Variants in KIZ observed in about 807,000 individuals in gnomAD.
KIZ encodes kizuna centrosomal protein, also known as centrosomal protein kizuna.
KIZ carries 68 observed loss-of-function variants against 79.6 expected under a neutral mutation model. The ratio of observed to expected loss-of-function variants is 0.85; its 90% confidence interval spans 0.70 to 1.05. The LOEUF (loss-of-function observed/expected upper bound fraction) is 1.05. Among genes scored for constraint, KIZ ranks in the 50% least tolerant of loss-of-function variants. The pLI is 0.00. For synonymous variants in KIZ, 280 were observed against 281.8 expected (o/e 0.99, Z 0.06); for missense variants, 797 against 800.4 (o/e 1.00, Z 0.05).
At chr20:21,222,248 C>T (rs1009432828) in intron 9 of KIZ, among the ~76,000 whole-genome samples, 16 of 152,204 alleles carry the variant, frequency 1.1e-4, no homozygotes, top group African/African-American at 3.9e-4. Flanking sequence ...GAGATGAACT[C>T]ATAAATGCCA....
intron 11 of KIZ, 88 bp downstream of exon 11, chr20:21,232,918 TG>T (rs2036883370): frequency 8.4e-6 from 6 of 711,902 alleles, no homozygotes; most frequent in Non-Finnish European, 1.3e-5. Flanking sequence ...CGTATTATTT[TG>T]TTGTATGACT....
At chr20:21,184,384 C>G (rs2034788164) in intron 6 of KIZ, among the ~76,000 whole-genome samples, 1 of 152,142 alleles carries the variant, frequency 6.6e-6, no homozygotes, top group South Asian at 2.1e-4. Context: ...CTCCTGACCT[C>G]AGGCGATCCA....
chr20:21,150,076 G>A (rs1305699860), intron 4 of KIZ, among the ~76,000 whole-genome samples: 2 of 152,202 alleles, frequency 1.3e-5, no homozygotes, highest in Non-Finnish European at 2.9e-5. Context: ...TGTAGGGCAT[G>A]CCTCAGGGAT....
chr20:21,213,071 C>G (rs865904323), intron 7 of KIZ, among the ~76,000 whole-genome samples: 1 of 152,202 alleles, frequency 6.6e-6, no homozygotes, highest in Admixed American at 6.5e-5. Flanking sequence ...GGGACTAGAA[C>G]TCCTTAAATC....
chr20:21,140,844 T>A (rs1345462819), intron 3 of KIZ, among the ~76,000 whole-genome samples: 1 of 151,802 alleles, frequency 6.6e-6, no homozygotes, highest in Non-Finnish European at 1.5e-5. Context: ...ATTTAAAAAT[T>A]AAATTTAAAA....
rs2036877675 is a variant in KIZ at position 21,232,785 on chromosome 20, C to A, written c.1835C>A (p.Ala612Asp). The change falls in exon 11 of 13, where the codon GCT becomes GAT. Residue 612 changes from alanine (A) to aspartate (D), a missense_variant. By Grantham distance (126) the Ala-to-Asp change is moderately radical. Transcript: ENST00000619189. ...AFETKTANKI[A>D]SEASFSSSEG... is the part of the protein sequence containing the mutation. ...GAGACAAAGACAGCTAACAAAATTG[C>A]TTCGGAAGCTAGTTTTTCATCTAGT... The A allele has an allele frequency of 1.3e-6, 2 of 1,593,064 alleles. No homozygotes were observed. The highest frequency in any genetic ancestry group is 1.3e-5 in the African/African-American group (1 of 74,632).
chr20:21,184,282 T>C (rs2034783136), intron 6 of KIZ, among the ~76,000 whole-genome samples: 1 of 152,016 alleles, frequency 6.6e-6, no homozygotes, highest in Non-Finnish European at 1.5e-5. Context: ...CAAGTAGAGC[T>C]GGGATTACAG....
At chr20:21,160,936 C>G (rs1031218925) in intron 4 of KIZ, 1 of 153,866 alleles carries the variant, frequency 6.5e-6, no homozygotes, top group Non-Finnish European at 1.4e-5. Context: ...CTTGGACTTC[C>G]CAGCCTCCAG....
intron 7 of KIZ, among the ~76,000 whole-genome samples, chr20:21,213,122 C>G (rs767235288): frequency 2.0e-5 from 3 of 152,190 alleles, no homozygotes; most frequent in Non-Finnish European, 4.4e-5. Context: ...GGCCATGGGT[C>G]CAGGTCAGCC....
intron 11 of KIZ, among the ~76,000 whole-genome samples, chr20:21,240,693 C>T (rs2037187828): frequency 7.0e-6 from 1 of 142,918 alleles, no homozygotes; most frequent in African/African-American, 2.5e-5. Context: ...GTGCCCAGGC[C>T]ACTGCCTCAG....
chr20:21,130,564 G>A (rs1310556333), intron 1 of KIZ, among the ~76,000 whole-genome samples: 1 of 152,118 alleles, frequency 6.6e-6, no homozygotes, highest in Non-Finnish European at 1.5e-5. Context: ...ACTCTTACTA[G>A]TGAGAAGGTA....
chr20:21,212,214 T>G (rs2036098024), intron 7 of KIZ, among the ~76,000 whole-genome samples: 1 of 152,252 alleles, frequency 6.6e-6, no homozygotes, highest in Non-Finnish European at 1.5e-5. Flanking sequence ...TCTTAAAAGA[T>G]GTGTTCTTTT....
intron 3 of KIZ, among the ~76,000 whole-genome samples, chr20:21,142,573 T>C (rs999624390): frequency 2.0e-5 from 3 of 152,080 alleles, no homozygotes; most frequent in African/African-American, 7.3e-5. Context: ...ATAATGTCAT[T>C]ATTTAAAGAT....
At chr20:21,213,318 G>A (rs553958687) in intron 7 of KIZ, among the ~76,000 whole-genome samples, 2 of 152,328 alleles carry the variant, frequency 1.3e-5, no homozygotes, top group South Asian at 2.1e-4. Context: ...GACTCTCCCT[G>A]TCGGAGTGTC....
intron 6 of KIZ, among the ~76,000 whole-genome samples, chr20:21,188,052 A>G (rs1457406139): frequency 6.6e-6 from 1 of 152,174 alleles, no homozygotes; most frequent in African/African-American, 2.4e-5. Flanking sequence ...AGCTTTAGAA[A>G]CTAGAATTCC....
chr20:21,222,148 C>G (rs1032867860), intron 9 of KIZ, among the ~76,000 whole-genome samples: 2 of 152,246 alleles, frequency 1.3e-5, no homozygotes, highest in African/African-American at 4.8e-5. Flanking sequence ...CATTATATTG[C>G]AGGGCAGTGC....
At chr20:21,150,260 A>G (rs992316189) in intron 4 of KIZ, among the ~76,000 whole-genome samples, 1 of 152,242 alleles carries the variant, frequency 6.6e-6, no homozygotes, top group African/African-American at 2.4e-5. Flanking sequence ...ATGAGGGCCC[A>G]GGGATATGGG....
chr20:21,218,072 T>C (rs2036366966), intron 9 of KIZ: 2 of 152,160 alleles, frequency 1.3e-5, no homozygotes, highest in Admixed American at 1.3e-4. Flanking sequence ...TGCTTCCCAA[T>C]AGTACTGCTA....
rs1318244983 is a variant in KIZ at position 21,214,542 on chromosome 20, CATT to C, written c.1458_1460del (p.Leu487del). Reference sequence around the variant, plus strand: ...TTTTTTGAAACACTGTAGGCAACAGCATTATTGAGAAAAGCCCTTACAGAAGAG... The same window carrying C: ...TTTTTTGAAACACTGTAGGCAACAGCATTGAGAAAAGCCCTTACAGAAGAG... On this transcript the variant is annotated inframe_deletion, in exon 8 of 13. Transcript: ENST00000619189. 1.9e-6 allele frequency: 3 copies of C among 1,612,510 alleles called. No individual in the cohort carries two copies. The highest frequency in any genetic ancestry group is 2.2e-5 in the South Asian group (2 of 90,940).
Sources: gnomAD v4.1 joint callset for allele counts (sites outside exome capture counted in the v4.1 genomes callset) on GRCh38, gnomAD v4.1.1 for gene constraint, MANE v1.5 for transcripts, NCBI Gene and HGNC (gene_info 2026-07-23, HGNC 2026-07-21) for gene names.